PLIN3: variants seen among roughly 807,000 people sequenced by gnomAD.
PLIN3 encodes perilipin-3.
A neutral mutation model predicts 35.9 loss-of-function variants in PLIN3; 30 were observed. That is an observed-to-expected ratio of 0.84 (90% confidence interval 0.62 to 1.13). The LOEUF (loss-of-function observed/expected upper bound fraction) is 1.13. Ranked by LOEUF, PLIN3 falls within the 50% of genes most tolerant of loss-of-function variation. The probability of loss-of-function intolerance (pLI) is 0.00; values close to 1 mark genes in which losing one functional copy is unlikely to be tolerated. For synonymous variants in PLIN3, 261 were observed against 262.5 expected (o/e 0.99, Z 0.06); for missense variants, 603 against 596.9 (o/e 1.01, Z -0.11).
chr19:4,849,359 G>A (rs939179362), intron 5 of PLIN3, among the ~76,000 whole-genome samples: 3 of 152,100 alleles, frequency 2.0e-5, no homozygotes, highest in East Asian at 3.9e-4. Context: ...CCAGGCTGGA[G>A]TGCAGCGGTG....
In PLIN3 at chr19:4,839,333, G is replaced by A. The variant is rs1286086552; in HGVS notation, c.1164C>T (p.Ala388=). 6.2e-7 allele frequency: 1 copy of A among 1,613,996 alleles called. No individual in the cohort carries two copies. Residue 388 remains alanine (A), a synonymous_variant, in exon 8 of 8, where the codon GCC becomes GCT. Transcript: ENST00000221957. ...CGCTGGCGACACGCTCACGGCTCTG[G>A]GCCAGAATGCTGCTGGACAGGTCCT... ...SFQDLSSSIL[A]QSRERVASAR...
chr19:4,864,098 A>AGTGTGTGTGTGTGT (rs71170861), intron 1 of PLIN3, among the ~76,000 whole-genome samples: 3 of 125,388 alleles, frequency 2.4e-5, no homozygotes, highest in East Asian at 4.7e-4. Flanking sequence ...ACACCTGGCT[A>AGTGTGTGTGTGTGT]GTGTGTGTGT....
chr19:4,852,054 C>T lies in PLIN3; in HGVS notation c.596G>A (p.Trp199Ter). 1 of 1,613,968 alleles carries T rather than the reference C, an allele frequency of 6.2e-7. No individual in the cohort carries two copies. The highest frequency in any genetic ancestry group is 2.2e-5 in the East Asian group (1 of 44,876). ...CGTAAGGGGCAGGTGGTTGTCCGCC[C>T]ACTCCTCCGACTTCCCCAGCACCGT... ...VDTVLGKSEE[W>*]ADNHLPLTDA... The change falls in exon 5 of 8, where the codon TGG becomes TAG. Residue 199 changes from tryptophan to a stop codon, truncating the protein, a stop_gained. Coordinates refer to ENST00000221957, the MANE Select transcript of PLIN3 (RefSeq NM_005817.5). LOFTEE classifies it high-confidence loss of function.
At chr19:4,865,686 T>C (rs947799006) in intron 1 of PLIN3, among the ~76,000 whole-genome samples, 1 of 151,368 alleles carries the variant, frequency 6.6e-6, no homozygotes, top group Non-Finnish European at 1.5e-5. Flanking sequence ...TTGCAAGCAC[T>C]AGATCTGGAG....
intron 6 of PLIN3, among the ~76,000 whole-genome samples, chr19:4,846,696 T>C (rs1183809607): frequency 6.6e-6 from 1 of 151,654 alleles, no homozygotes; most frequent in East Asian, 1.9e-4. Flanking sequence ...GAGACTCCGT[T>C]CAAAGAAAAA....
In PLIN3 at chr19:4,845,430, CAACAAAA is replaced by C. The variant is rs376065208; in HGVS notation, c.835-644_835-638del. ...GACAGAGCCAGACTCTATCTCAAAA[CAACAAAA>C]AACAAAAAACAAAAAAAAGTGCTTG... On this transcript the variant is annotated intron_variant, in intron 6 of 7. Coordinates refer to ENST00000221957, the MANE Select transcript of PLIN3 (RefSeq NM_005817.5). Among the ~76,000 whole-genome samples the C allele has an allele frequency of 2.6e-3, 387 of 151,026 alleles. 1 individual carries two copies. Among genetic ancestry groups the C allele is most frequent in the Middle Eastern group, 0.01 (3 of 286 alleles).
chr19:4,858,266 G>A (rs1365907375), intron 4 of PLIN3, among the ~76,000 whole-genome samples: 52 of 56,232 alleles, frequency 9.2e-4, no homozygotes, highest in African/African-American at 3.3e-3. Flanking sequence ...GCAAGACCCC[G>A]TCTCAAAAAA....
At chr19:4,851,908 A>T in intron 5 of PLIN3, 108 bp downstream of exon 5, 1 of 1,171,530 alleles carries the variant, frequency 8.5e-7, no homozygotes, top group Non-Finnish European at 1.2e-6. Context: ...GAGAAGTGGC[A>T]GGGACGAGGC....
chr19:4,839,018 A>G lies in PLIN3; in HGVS notation c.*174T>C, dbSNP rs2093624495. 3.8e-6 allele frequency: 2 copies of G among 523,114 alleles called. No homozygotes were observed. The highest frequency in any genetic ancestry group is 3.1e-5 in the Admixed American group (1 of 31,806). 32.4% of individuals were successfully genotyped at this position (523,114 alleles called of 1,614,324 possible). ...GCTTCTTCCAAGCTCAGAGAGGCTG[A>G]GAGATGGGTCAACTGGGTGATGCCC... On this transcript the variant is annotated 3_prime_UTR_variant, in exon 8 of 8. Coordinates refer to ENST00000221957, the MANE Select transcript of PLIN3 (RefSeq NM_005817.5).
At chr19:4,846,798 G>T (rs1012789632) in intron 6 of PLIN3, among the ~76,000 whole-genome samples, 2 of 152,080 alleles carry the variant, frequency 1.3e-5, no homozygotes, top group South Asian at 4.1e-4. Context: ...AAGGAGAGAG[G>T]CCCCAGAAGG....
chr19:4,852,343 T>C (rs1384379607), intron 4 of PLIN3, 42 bp from the exon 5 acceptor site: 2 of 1,567,578 alleles, frequency 1.3e-6, no homozygotes, highest in South Asian at 1.2e-5. Context: ...CTTCCCTCCA[T>C]ATCTGGGCAC....
At chr19:4,861,233 G>C in intron 2 of PLIN3, 96 bp downstream of exon 2, 1 of 1,029,956 alleles carries the variant, frequency 9.7e-7, no homozygotes, top group Non-Finnish European at 1.5e-6. Context: ...GCTGCCGGCA[G>C]ATCCCTGGCT....
intron 4 of PLIN3, among the ~76,000 whole-genome samples, chr19:4,852,596 G>T (rs898219861): frequency 6.6e-6 from 1 of 152,104 alleles, no homozygotes; most frequent in Admixed American, 6.6e-5. Flanking sequence ...TCTCAGCTGT[G>T]TGGCTTCAGG....
intron 1 of PLIN3, chr19:4,866,895 A>C (rs373577524): frequency 1.3e-5 from 2 of 152,612 alleles, no homozygotes; most frequent in Non-Finnish European, 2.9e-5. Flanking sequence ...CGCTGGCTCC[A>C]GAAGGGGAGC....
chr19:4,864,115 G>A (rs1170712019), intron 1 of PLIN3, among the ~76,000 whole-genome samples: 41 of 15,032 alleles, frequency 2.7e-3, no homozygotes, highest in Admixed American at 0.011. Flanking sequence ...GTGTGTGTGT[G>A]TGTGTGTGTG....
chr19:4,846,332 A>T (rs565968685), intron 6 of PLIN3, among the ~76,000 whole-genome samples: 1 of 151,052 alleles, frequency 6.6e-6, no homozygotes, highest in Non-Finnish European at 1.5e-5. Context: ...AAAAAAAAAA[A>T]AAATCGTCAT....
chr19:4,848,981 T>A (rs1377868804), intron 5 of PLIN3, among the ~76,000 whole-genome samples: 2 of 152,170 alleles, frequency 1.3e-5, no homozygotes, highest in Non-Finnish European at 2.9e-5. Flanking sequence ...TCTTCTTTTT[T>A]TTAGACAGGG....
At chr19:4,862,670 A>G (rs924370922) in intron 1 of PLIN3, among the ~76,000 whole-genome samples, 1 of 152,294 alleles carries the variant, frequency 6.6e-6, no homozygotes, top group African/African-American at 2.4e-5. Flanking sequence ...CAAGCCAGGT[A>G]TGACCTAAAA....
chr19:4,852,918 G>A (rs1040897540), intron 4 of PLIN3, among the ~76,000 whole-genome samples: 11 of 151,744 alleles, frequency 7.2e-5, no homozygotes, highest in Non-Finnish European at 1.0e-4. Flanking sequence ...GGGTTCAAGC[G>A]ATTCTCCTGC....
Sources: allele counts gnomAD v4.1 joint callset (sites outside exome capture counted in the v4.1 genomes callset), GRCh38; gene constraint gnomAD v4.1.1; transcripts MANE v1.5; gene names NCBI Gene and HGNC (gene_info 2026-07-23, HGNC 2026-07-21).